The following CLIP4 variants were observed in gnomAD, a reference collection of about 807,000 sequenced individuals.
CLIP4 encodes CAP-Gly domain-containing linker protein 4.
CLIP4 carries 47 observed loss-of-function variants against 73.1 expected under a neutral mutation model. The observed-to-expected ratio is 0.64, with a 90% confidence interval of 0.51 to 0.82. The LOEUF is 0.82. Among genes scored for constraint, CLIP4 ranks in the 40% least tolerant of loss-of-function variants. CLIP4 has a pLI of 0.00. For synonymous variants in CLIP4, 306 were observed against 295.4 expected, an observed-to-expected ratio of 1.04 and a Z score of -0.37; for missense variants, 874 against 852.9, an observed-to-expected ratio of 1.02 and a Z score of -0.31.
At chr2:29,159,413 T>C (rs767037114) in intron 11 of CLIP4, among the ~76,000 whole-genome samples, 5 of 152,188 alleles carry the variant, frequency 3.3e-5, no homozygotes, top group Non-Finnish European at 7.3e-5. Flanking sequence ...TTCTAGATCA[T>C]ATTTCTCTAG....
chr2:29,149,410 C>CTTTTTTTTTTTTTTTTTTTTTT (rs71403647), intron 8 of CLIP4, among the ~76,000 whole-genome samples: 1 of 138,334 alleles, frequency 7.2e-6, no homozygotes. Flanking sequence ...TTCTCCTTTT[C>CTTTTTTTTTTTTTTTTTTTTTT]TTTTTTTTTT....
chr2:29,145,326 G>A lies in CLIP4; in HGVS notation c.980G>A (p.Ser327Asn), dbSNP rs1666079961. 6.2e-7 allele frequency: 1 copy of A among 1,613,254 alleles called. No homozygotes were observed. Among genetic ancestry groups the A allele is most frequent in the African/African-American group, 1.3e-5 (1 of 75,028 alleles). Residue 327 changes from serine to asparagine, a missense_variant, in exon 8 of 16, where the codon AGT becomes AAT. Physicochemically the swap from Ser to Asn is conservative, Grantham distance 46 (BLOSUM62 1). Transcript: ENST00000320081. ...LDEPEGKNNG[S>N]VGKVQYFKCA... Reference sequence around the variant, plus strand: ...GAACCAGAAGGAAAAAATAATGGAAGTGTTGGAAAAGTCCAGTACTTTAAA... The same window carrying A: ...GAACCAGAAGGAAAAAATAATGGAAATGTTGGAAAAGTCCAGTACTTTAAA...
In CLIP4 at chr2:29,121,433, T is replaced by A; in HGVS notation, c.45T>A (p.Pro15=). 1 of 1,613,754 alleles carries A rather than the reference T, an allele frequency of 6.2e-7. No individual in the cohort carries two copies. Residue 15 remains proline, a synonymous_variant, in exon 2 of 16, where the codon CCT becomes CCA. Transcript: ENST00000320081. The part of the protein sequence containing the change: ...DLPDFPLEGN[P]LFGRYPFIFS... ...CAGATTTTCCATTAGAAGGAAATCC[T>A]TTGTTTGGAAGATACCCATTTATAT...
chr2:29,141,120 C>A (rs1037092026), intron 6 of CLIP4, among the ~76,000 whole-genome samples: 1 of 152,004 alleles, frequency 6.6e-6, no homozygotes, highest in Non-Finnish European at 1.5e-5. Flanking sequence ...TTCTAGTTTG[C>A]ATGTATTTGT....
At chr2:29,168,523 T>C (rs1667778955) in intron 14 of CLIP4, among the ~76,000 whole-genome samples, 1 of 123,542 alleles carries the variant, frequency 8.1e-6, no homozygotes, top group Non-Finnish European at 1.7e-5. Flanking sequence ...TTTTTTTTTT[T>C]TTTTTTTTTT....
intron 2 of CLIP4, 121 bp from the exon 3 acceptor site, chr2:29,131,137 T>C: frequency 1.0e-6 from 1 of 977,848 alleles, no homozygotes; most frequent in Non-Finnish European, 1.5e-6. Context: ...TAGATACTTC[T>C]GATTTTTTTT....
intron 12 of CLIP4, among the ~76,000 whole-genome samples, chr2:29,160,862 G>A (rs903080133): frequency 6.6e-6 from 1 of 152,136 alleles, no homozygotes; most frequent in African/African-American, 2.4e-5. Context: ...GCAGAGAAAA[G>A]CACACAAAAG....
At chr2:29,146,622 C>G (rs796425482) in intron 8 of CLIP4, among the ~76,000 whole-genome samples, 40 of 152,182 alleles carry the variant, frequency 2.6e-4, no homozygotes, top group African/African-American at 8.9e-4. Flanking sequence ...ACATTGTTTT[C>G]CACGATTGTG....
rs371422619 is a variant in CLIP4, at chr2:29,152,799, T to A, written c.1136T>A (p.Val379Glu). 1 of 1,613,776 alleles carries A rather than the reference T, an allele frequency of 6.2e-7. No homozygotes were observed. The highest frequency in any genetic ancestry group is 2.2e-5 in the East Asian group (1 of 44,824). The change falls in exon 9 of 16, where the codon GTA becomes GAA. Residue 379 changes from valine (V) to glutamate (E), a missense_variant. Transcript: ENST00000320081. Reference protein sequence around the residue: ...VPLIRSQKIDVAHVTSKVNTG... With the variant: ...VPLIRSQKIDEAHVTSKVNTG... ...CTCATCAGGTCCCAGAAAATTGACG[T>A]AGCTCATGTGACGTCAAAAGTAAAT...
chr2:29,160,624 C>G (rs1326305001), intron 12 of CLIP4, among the ~76,000 whole-genome samples, 157 bp downstream of exon 12: 1 of 152,154 alleles, frequency 6.6e-6, no homozygotes, highest in African/African-American at 2.4e-5. Flanking sequence ...GATGAAAACT[C>G]AGACTGTTTA....
At chr2:29,131,154 C>G (rs2148486212) in intron 2 of CLIP4, 104 bp from the exon 3 acceptor site, 1 of 1,044,828 alleles carries the variant, frequency 9.6e-7, no homozygotes, top group East Asian at 2.7e-5. Flanking sequence ...TTTTTAGCAT[C>G]TAAAATATTT....
chr2:29,163,263 TAA>T (rs202007158), intron 12 of CLIP4, among the ~76,000 whole-genome samples: 1 of 142,330 alleles, frequency 7.0e-6, no homozygotes. Flanking sequence ...TTCATTTAGG[TAA>T]AAAAAAAAAG....
chr2:29,167,028 A>G (rs533871957), intron 13 of CLIP4, among the ~76,000 whole-genome samples: 2 of 152,318 alleles, frequency 1.3e-5, no homozygotes, highest in African/African-American at 4.8e-5. Context: ...ATAAAGTAAA[A>G]GATGTTGAAT....
Position 29,102,126 on chromosome 2 carries a change from A to G in CLIP4, c.-16+4179A>G, listed in dbSNP as rs117271838. Among the ~76,000 whole-genome samples the G allele has an allele frequency of 9.6e-3, 1,468 of 152,266 alleles. 24 individuals are homozygous for G. Among genetic ancestry groups the G allele is most frequent in the East Asian group, 0.09 (466 of 5,174 alleles). The stretch of plus-strand genomic sequence containing the variant: ...TCAGGAAAACCCTGTGGGGTCTCTA[A>G]GAAGGGAGGAAAGCAATGAGGGAAC... On this transcript the variant is annotated intron_variant, in intron 1 of 14. Coordinates refer to the CLIP4 transcript ENST00000401605.
At chr2:29,154,041 A>T (rs1264509304) in intron 9 of CLIP4, among the ~76,000 whole-genome samples, 1 of 152,178 alleles carries the variant, frequency 6.6e-6, no homozygotes, top group Non-Finnish European at 1.5e-5. Flanking sequence ...TCAGTTTTTA[A>T]ATTATGAGTT....
At chr2:29,131,914 A>G (rs1664997889) in intron 3 of CLIP4, 2 of 457,716 alleles carry the variant, frequency 4.4e-6, no homozygotes, top group Non-Finnish European at 7.7e-6. Context: ...TTGGAGTGCC[A>G]GATTACCTTT....
intron 14 of CLIP4, among the ~76,000 whole-genome samples, chr2:29,174,076 T>C (rs1014247344): frequency 1.3e-5 from 2 of 152,176 alleles, no homozygotes; most frequent in Non-Finnish European, 2.9e-5. Flanking sequence ...TGTTAAGAAA[T>C]CTAAACTACC....
At position 29,143,822 on chromosome 2, in the gene CLIP4, G is replaced by A. The variant is rs146399446; in HGVS notation, c.762G>A (p.Ala254=). 3.7e-5 allele frequency: 59 copies of A among 1,614,022 alleles called. No individual in the cohort carries two copies. Among genetic ancestry groups the A allele is most frequent in the Middle Eastern group, 3.3e-4 (2 of 6,062 alleles). ...AKEIKQMLLD[A]VPLSCNISKA... is the part of the protein sequence containing the mutation. Reference sequence around the variant, plus strand: ...AAATCAAGCAGATGCTTCTAGATGCGGTGCCTCTGTCATGTAACATCTCAA... The same window carrying A: ...AAATCAAGCAGATGCTTCTAGATGCAGTGCCTCTGTCATGTAACATCTCAA... The change falls in exon 7 of 16, where the codon GCG becomes GCA. Residue 254 remains alanine (A), a synonymous_variant. Transcript: ENST00000320081.
intron 5 of CLIP4, among the ~76,000 whole-genome samples, chr2:29,134,498 C>A (rs905070617): frequency 6.6e-6 from 1 of 152,168 alleles, no homozygotes; most frequent in Non-Finnish European, 1.5e-5. Flanking sequence ...TTCTAACCTC[C>A]AATCTGCATA....
Sources: gnomAD v4.1 joint callset for allele counts (sites outside exome capture counted in the v4.1 genomes callset) on GRCh38, gnomAD v4.1.1 for gene constraint, MANE v1.5 for transcripts, NCBI Gene and HGNC (gene_info 2026-07-23, HGNC 2026-07-21) for gene names.